Variants in SNPH observed in about 807,000 individuals in gnomAD.
SNPH encodes the protein syntaphilin.
Under a neutral mutation model 36.8 loss-of-function variants are expected in SNPH, and 10 were observed. The observed-to-expected ratio is 0.27, with a 90% CI of 0.17 to 0.46. SNPH has a LOEUF of 0.46. SNPH is among the 20% of genes least tolerant of loss of function. The pLI is 1.00. For missense variants in SNPH, 622 were observed against 744.0 expected (o/e 0.84, Z 1.91); for synonymous variants, 281 against 312.2 (o/e 0.90, Z 1.05).
intron 2 of SNPH, among the ~76,000 whole-genome samples, chr20:1,267,185 C>T (rs79345139): frequency 0.06 from 9,010 of 150,986 alleles, 374 homozygotes; most frequent in South Asian, 0.096. Context: ...GCTTCCATCC[C>T]ATCTTTCCCT....
intron 2 of SNPH, among the ~76,000 whole-genome samples, chr20:1,282,947 G>A (rs1029548032): frequency 5.3e-5 from 8 of 152,120 alleles, no homozygotes; most frequent in Non-Finnish European, 8.8e-5. Flanking sequence ...GCCTGCTCTC[G>A]GGAAAGGGGA....
At chr20:1,295,557 C>T (rs1463166876) in intron 3 of SNPH, among the ~76,000 whole-genome samples, 2 of 152,238 alleles carry the variant, frequency 1.3e-5, no homozygotes, top group Non-Finnish European at 1.5e-5. Context: ...CCAGCATGCG[C>T]ATTACATGGG....
chr20:1,293,396 A>G (rs976008469), intron 2 of SNPH, among the ~76,000 whole-genome samples: 9 of 152,198 alleles, frequency 5.9e-5, no homozygotes, highest in Non-Finnish European at 8.8e-5. Flanking sequence ...CTATCAGCCC[A>G]GCTTCCCACA....
rs955106509 is a variant in SNPH, at chr20:1,266,369, G to A, written c.-628G>A. Reference sequence around the variant, plus strand: ...GAGAGCAATTCGGCGGCCCCTGCAGGGCAGCTGAAGCCATGGAAGCCTCCG... The same window carrying A: ...GAGAGCAATTCGGCGGCCCCTGCAGAGCAGCTGAAGCCATGGAAGCCTCCG... On this transcript the variant is annotated 5_prime_UTR_variant, in exon 1 of 7. Coordinates refer to ENST00000381867, the MANE Select transcript of SNPH (RefSeq NM_001318234.2). This position sits in a 1 kb window ranked among gnomAD's most constrained non-coding sequence, Gnocchi z 6.0. 1.2e-5 allele frequency: 4 copies of A among 321,792 alleles called. No individual in the cohort carries two copies. Among genetic ancestry groups the A allele is most frequent in the Non-Finnish European group, 1.1e-5 (2 of 177,790 alleles). 19.9% of individuals were successfully genotyped at this position (321,792 alleles called of 1,614,324 possible).
chr20:1,272,540 C>T (rs2088084802), intron 2 of SNPH, among the ~76,000 whole-genome samples: 1 of 152,232 alleles, frequency 6.6e-6, no homozygotes, highest in African/African-American at 2.4e-5. Context: ...TTGTTTGTGA[C>T]ATCTCCTAAT....
chr20:1,306,044 C>G lies in SNPH; in HGVS notation c.1607C>G (p.Ser536Cys), dbSNP rs540231365. ...QPSPSPAGGG[S>C]QL ...AGTCCCAGCCCAGCGGGCGGCGGCT[C>G]CCAGCTCTGAGGGGGCCCATTCTGG... is the stretch of plus-strand genomic sequence containing the variant. The change falls in exon 7 of 7, where the codon TCC becomes TGC. Residue 536 changes from serine to cysteine, a missense_variant. By Grantham distance (112) the Ser-to-Cys change is moderately radical. This residue lies in a region of SNPH where 379 missense variants were observed against 427.9 expected (regional missense o/e 0.89). Transcript: ENST00000381867. The G allele has an allele frequency of 1.4e-6, 2 of 1,467,124 alleles. No homozygotes were observed. Among genetic ancestry groups the G allele is most frequent in the African/African-American group, 2.8e-5 (2 of 70,476 alleles). 90.9% of individuals were successfully genotyped at this position (1,467,124 alleles called of 1,614,324 possible).
In SNPH at chr20:1,305,439, C is replaced by A; in HGVS notation, c.1002C>A (p.Ser334Arg). The A allele has an allele frequency of 1.2e-6, 2 of 1,613,250 alleles. No homozygotes were observed. The highest frequency in any genetic ancestry group is 1.7e-6 in the Non-Finnish European group (2 of 1,180,054). Residue 334 changes from serine to arginine, a missense_variant, in exon 7 of 7, where the codon AGC becomes AGA. By Grantham distance (110) the Ser-to-Arg change is moderately radical (BLOSUM62 -1). This residue lies in a region of SNPH where 379 missense variants were observed against 427.9 expected (regional missense o/e 0.89). Transcript: ENST00000381867. ...SFGLGPRFPA[S>R]NTYEKLLCGM... is the part of the protein sequence containing the mutation. ...GCCTGGGCCCCCGCTTCCCTGCCAG[C>A]AACACCTATGAGAAGCTGCTGTGTG...
Position 1,285,296 on chromosome 20 carries a change from C to A in SNPH, c.-492-9655C>A, listed in dbSNP as rs796162789. Among the ~76,000 whole-genome samples, 31 of 152,254 alleles carry A rather than the reference C, an allele frequency of 2.0e-4. No individual in the cohort carries two copies. Among genetic ancestry groups the A allele is most frequent in the African/African-American group, 7.0e-4 (29 of 41,544 alleles). ...TCCTGAAATCCTGTTGTTTGGTAGA[C>A]AATGACCGGTTTAGGGTTTTTCTTT... On this transcript the variant is annotated intron_variant, in intron 2 of 6. Coordinates refer to ENST00000381867, the MANE Select transcript of SNPH (RefSeq NM_001318234.2). This position sits in a 1 kb window ranked among gnomAD's most constrained non-coding sequence, Gnocchi z 4.9.
rs748293041 is a variant in SNPH, at chr20:1,304,841, C to T, written c.441-37C>T. The T allele has an allele frequency of 6.3e-7, 1 of 1,583,422 alleles. No individual in the cohort carries two copies. The highest frequency in any genetic ancestry group is 8.6e-7 in the Non-Finnish European group (1 of 1,159,610). ...CCTTGGCGGTGACAGACCAGGCAGG[C>T]AGGCAGTGAGCGTGTGTGTGTCTCC... On this transcript the variant is annotated intron_variant, in intron 6 of 6. Transcript: ENST00000381867. This position sits in a 1 kb window ranked among gnomAD's most constrained non-coding sequence, Gnocchi z 4.3.
intron 2 of SNPH, among the ~76,000 whole-genome samples, chr20:1,289,232 G>T (rs1346275504): frequency 6.6e-6 from 1 of 152,108 alleles, no homozygotes; most frequent in Non-Finnish European, 1.5e-5. Context: ...TAGATCAGAT[G>T]GACTAGTCTC....
At chr20:1,297,437 T>C (rs1440573084) in intron 5 of SNPH, among the ~76,000 whole-genome samples, 185 bp downstream of exon 5, 1 of 152,214 alleles carries the variant, frequency 6.6e-6, no homozygotes, top group Non-Finnish European at 1.5e-5. Context: ...AAGATGGATA[T>C]GATAATATAC....
At position 1,307,536 on chromosome 20, in the gene SNPH, G is replaced by A. The variant is rs932491577; in HGVS notation, c.*1482G>A. 1 of 152,448 alleles carries A rather than the reference G, an allele frequency of 6.6e-6. No individual in the cohort carries two copies. The highest frequency in any genetic ancestry group is 1.5e-5 in the Non-Finnish European group (1 of 68,110). The allele number at this position is 152,448 out of a possible 1,614,324, so 9.4% of individuals were successfully genotyped here. A position where few individuals can be genotyped will look rare whatever the true frequency, so the allele number is the denominator to read the frequency against. On this transcript the variant is annotated 3_prime_UTR_variant, in exon 7 of 7. Coordinates refer to ENST00000381867, the MANE Select transcript of SNPH (RefSeq NM_001318234.2). The stretch of plus-strand genomic sequence containing the variant: ...CTAGGCCCCACCTCTGGGGGTTGGA[G>A]GGACCCTGTGTCTTACTCGCCCCTC...
Position 1,293,992 on chromosome 20 carries a change from G to A in SNPH, c.-492-959G>A, listed in dbSNP as rs564076782. Among the ~76,000 whole-genome samples the A allele has an allele frequency of 3.4e-4, 52 of 152,322 alleles. 2 individuals carry two copies. In the South Asian group the frequency reaches 0.011, roughly 32 times the overall value. Reference sequence around the variant, plus strand: ...CTCCTTAGAACACTCACTCACACTGGCTTGGAAGAGCCCATCCTCAGATCT... The same window carrying A: ...CTCCTTAGAACACTCACTCACACTGACTTGGAAGAGCCCATCCTCAGATCT... On this transcript the variant is annotated intron_variant, in intron 2 of 6. Transcript: ENST00000381867.
chr20:1,306,247 G>C lies in SNPH; in HGVS notation c.*193G>C. 4.0e-6 allele frequency: 2 copies of C among 499,732 alleles called. No homozygotes were observed. Among genetic ancestry groups the C allele is most frequent in the East Asian group, 7.0e-5 (2 of 28,758 alleles). 31.0% of individuals were successfully genotyped at this position (499,732 alleles called of 1,614,324 possible). ...AGAAAGGCATCCCAAAGCTTCGATG[G>C]AGAGCAGGGAAGGGGGACCCAAGGC... On this transcript the variant is annotated 3_prime_UTR_variant, in exon 7 of 7. Coordinates refer to ENST00000381867, the MANE Select transcript of SNPH (RefSeq NM_001318234.2).
intron 2 of SNPH, among the ~76,000 whole-genome samples, chr20:1,271,254 C>T (rs1390693861): frequency 1.3e-5 from 2 of 152,220 alleles, no homozygotes; most frequent in African/African-American, 2.4e-5. Flanking sequence ...TGCTTTTCCA[C>T]ACCTGCAAAA....
At position 1,296,062 on chromosome 20, in the gene SNPH, A is replaced by G; in HGVS notation, c.-178A>G. On this transcript the variant is annotated 5_prime_UTR_variant, in exon 4 of 7. Coordinates refer to ENST00000381867, the MANE Select transcript of SNPH (RefSeq NM_001318234.2). ...CCTTCACTCTGTCTGGGGCACATTC[A>G]CTCATCTGGAGAACACAGGGTTGGA... is the stretch of plus-strand genomic sequence containing the variant. 1.9e-6 allele frequency: 1 copy of G among 539,472 alleles called. No homozygotes were observed. 33.4% of individuals were successfully genotyped at this position (539,472 alleles called of 1,614,324 possible). A position where few individuals can be genotyped will look rare whatever the true frequency, so the allele number is the denominator to read the frequency against.
rs2122453065 is a variant in SNPH at position 1,304,671 on chromosome 20, G to A, written c.441-207G>A. On this transcript the variant is annotated intron_variant, in intron 6 of 6. Coordinates refer to ENST00000381867, the MANE Select transcript of SNPH (RefSeq NM_001318234.2). This position sits in a 1 kb window ranked among gnomAD's most constrained non-coding sequence, Gnocchi z 4.3. ...CTCTCTCCAGGCAGAGGCTTCTCCT[G>A]TCTTCACCCCTCAGCCCCTCTCCCC... Among the ~76,000 whole-genome samples, 1 of 152,112 alleles carries A rather than the reference G, an allele frequency of 6.6e-6. No homozygotes were observed. Among genetic ancestry groups the A allele is most frequent in the Middle Eastern group, 3.4e-3 (1 of 294 alleles).
Position 1,304,965 on chromosome 20 carries a change from G to A in SNPH, c.528G>A (p.Gln176=). 6.2e-7 allele frequency: 1 copy of A among 1,613,950 alleles called. No homozygotes were observed. The highest frequency in any genetic ancestry group is 8.5e-7 in the Non-Finnish European group (1 of 1,180,042). The change falls in exon 7 of 7, where the codon CAG becomes CAA. Residue 176 remains glutamine (Q), a synonymous_variant. Coordinates refer to ENST00000381867, the MANE Select transcript of SNPH (RefSeq NM_001318234.2). The surrounding 1 kb of genome is among the most constrained non-coding windows in gnomAD (Gnocchi z 4.3). ...IEEECHRVEA[Q]LALKEARKEI... is the part of the protein sequence containing the mutation. ...AGGAGTGCCACCGCGTGGAGGCCCA[G>A]CTGGCCCTGAAGGAGGCCCGAAAGG...
chr20:1,282,368 T>C (rs778719802), intron 2 of SNPH, among the ~76,000 whole-genome samples: 5 of 152,254 alleles, frequency 3.3e-5, no homozygotes, highest in Non-Finnish European at 7.3e-5. Flanking sequence ...AATGGAATAC[T>C]ATGCAGCCCA....
Sources: gnomAD v4.1 joint callset for allele counts (sites outside exome capture counted in the v4.1 genomes callset) on GRCh38, gnomAD v4.1.1 for gene constraint, gnomAD v4.1.1 regional missense constraint, Gnocchi (gnomAD v3.1) non-coding constraint, MANE v1.5 for transcripts, NCBI Gene and HGNC (gene_info 2026-07-23, HGNC 2026-07-21) for gene names.